SSC5D: variants seen among roughly 807,000 people sequenced by gnomAD.
SSC5D encodes the protein scavenger receptor cysteine rich family member with 5 domains, also known as soluble scavenger receptor cysteine-rich domain-containing protein SSC5D.
A neutral mutation model predicts 104.6 loss-of-function variants in SSC5D; 106 were observed. The ratio of observed to expected loss-of-function variants is 1.01; its 90% CI spans 0.87 to 1.19. The LOEUF is 1.19. SSC5D is among the 50% of genes most tolerant of loss of function. The pLI, the probability that SSC5D is intolerant of heterozygous loss-of-function variation, is 0.00. For synonymous variants in SSC5D, 860 were observed against 883.5 expected (o/e 0.97, Z 0.47); for missense variants, 1,993 against 2,153.8 (o/e 0.93, Z 1.48).
At position 55,518,347 on chromosome 19, in the gene SSC5D, A is replaced by G. The variant is rs777944908; in HGVS notation, c.4071A>G (p.Thr1357=). ...TELSSPTLAP[T]VKPSLHPQLT... The stretch of plus-strand genomic sequence containing the variant: ...TCTCCTCTCCCACTCTAGCACCAAC[A>G]GTCAAGCCCAGTCTGCACCCCCAGT... Residue 1357 remains threonine, a synonymous_variant, in exon 14 of 14, where the codon ACA becomes ACG. Coordinates refer to ENST00000389623, the MANE Select transcript of SSC5D (RefSeq NM_001144950.2). The G allele has an allele frequency of 1.3e-6, 2 of 1,549,132 alleles. No individual in the cohort carries two copies. The highest frequency in any genetic ancestry group is 2.5e-5 in the East Asian group (1 of 40,802).
At chr19:55,502,550 C>A (rs1038344029) in intron 12 of SSC5D, among the ~76,000 whole-genome samples, 2 of 151,974 alleles carry the variant, frequency 1.3e-5, no homozygotes, top group African/African-American at 4.8e-5. Context: ...TGTTTCTCAC[C>A]TAGTTTTTCC....
intron 6 of SSC5D, among the ~76,000 whole-genome samples, chr19:55,493,031 C>G (rs188424681): frequency 8.6e-5 from 13 of 151,866 alleles, no homozygotes; most frequent in African/African-American, 3.1e-4. Flanking sequence ...TCCCCTCCCC[C>G]CAAAAATAAA....
intron 12 of SSC5D, among the ~76,000 whole-genome samples, chr19:55,510,582 C>T (rs1046812514): frequency 2.7e-5 from 4 of 149,106 alleles, no homozygotes; most frequent in Admixed American, 6.7e-5. Context: ...CTCCTGACCT[C>T]GTGATCCGCC....
chr19:55,504,461 T>C, intron 12 of SSC5D: 1 of 517,792 alleles, frequency 1.9e-6, no homozygotes. Flanking sequence ...AAAAAGTGAC[T>C]TGGTCTCTTT....
intron 12 of SSC5D, among the ~76,000 whole-genome samples, chr19:55,507,597 C>T (rs1251260015): frequency 1.6e-5 from 2 of 124,554 alleles, no homozygotes; most frequent in African/African-American, 3.0e-5. Context: ...ACCCAGGAGG[C>T]GGAGGTTGCA....
rs756819981 is a variant in SSC5D at position 55,517,966 on chromosome 19, C to A, written c.3690C>A (p.Pro1230=). ...CTCAACCCTTCACCACCATGCAGCC[C>A]ACCACAACCCCTCACTCCACAACCC... The part of the protein sequence containing the change: ...TTPQPFTTMQ[P]TTTPHSTTPH... The change falls in exon 14 of 14, where the codon CCC becomes CCA. Residue 1230 remains proline (P), a synonymous_variant. Transcript: ENST00000389623. 3.3e-6 allele frequency: 5 copies of A among 1,525,930 alleles called. No homozygotes were observed. The highest frequency in any genetic ancestry group is 4.4e-6 in the Non-Finnish European group (5 of 1,139,626). 94.5% of individuals were successfully genotyped at this position (1,525,930 alleles called of 1,614,324 possible). A position where few individuals can be genotyped will look rare whatever the true frequency, so the allele number is the denominator to read the frequency against.
At position 55,490,334 on chromosome 19, in the gene SSC5D, GGAA is replaced by G. The variant is rs1987102594; in HGVS notation, c.518_520del (p.Lys173del). ...GCTGGGAACCCCCAGAACGCCTCCC[GGAA>G]GAAGAGCCCCCGGCCCAAGCAGGCC... On this transcript the variant is annotated inframe_deletion, in exon 5 of 14. Transcript: ENST00000389623. 2 of 1,496,868 alleles carry G rather than the reference GGAA, an allele frequency of 1.3e-6. No individual in the cohort carries two copies. Among genetic ancestry groups the G allele is most frequent in the Admixed American group, 2.0e-5 (1 of 49,186 alleles). 92.7% of individuals were successfully genotyped at this position (1,496,868 alleles called of 1,614,324 possible).
intron 6 of SSC5D, chr19:55,492,596 A>C (rs1045288639): frequency 1.3e-5 from 2 of 152,234 alleles, no homozygotes; most frequent in African/African-American, 4.8e-5. Flanking sequence ...AAAAGCAGAC[A>C]GGTGTGTTAG....
intron 8 of SSC5D, among the ~76,000 whole-genome samples, chr19:55,497,376 G>A (rs1372935880): frequency 6.6e-6 from 1 of 152,202 alleles, no homozygotes; most frequent in Non-Finnish European, 1.5e-5. Context: ...AATAATGAGA[G>A]AAAATTAAGG....
chr19:55,516,421 C>T (rs1220860765), intron 13 of SSC5D, among the ~76,000 whole-genome samples: 2 of 151,468 alleles, frequency 1.3e-5, no homozygotes, highest in Non-Finnish European at 2.9e-5. Flanking sequence ...GGTGTGAACC[C>T]GGGAGGCGGA....
chr19:55,490,690 GT>G (rs1488501651), intron 5 of SSC5D, 81 bp from the exon 6 acceptor site: 1 of 1,408,922 alleles, frequency 7.1e-7, no homozygotes, highest in East Asian at 2.5e-5. Flanking sequence ...CCTCAGGCCT[GT>G]TTCCCCAGGT....
intron 12 of SSC5D, among the ~76,000 whole-genome samples, chr19:55,507,549 C>G (rs568979272): frequency 2.1e-4 from 31 of 150,862 alleles, no homozygotes; most frequent in Middle Eastern, 3.4e-3. Context: ...GCCTATAATC[C>G]CAGCTACTCG....
chr19:55,507,665 CAAAAAAAAAAAAAAAA>C (rs61340967), intron 12 of SSC5D, among the ~76,000 whole-genome samples: 2 of 75,948 alleles, frequency 2.6e-5, no homozygotes, highest in Non-Finnish European at 4.5e-5. Context: ...GACTCCGTCT[CAAAAAAAAAAAAAAAA>C]AAAAAAAGAA....
Position 55,518,333 on chromosome 19 carries a change from A to T in SSC5D, c.4057A>T (p.Thr1353Ser). 3 of 1,532,170 alleles carry T rather than the reference A, an allele frequency of 2.0e-6. No individual in the cohort carries two copies. Among genetic ancestry groups the T allele is most frequent in the Non-Finnish European group, 2.6e-6 (3 of 1,141,958 alleles). The allele number at this position is 1,532,170 out of a possible 1,614,324, so 94.9% of individuals were successfully genotyped here. A position where few individuals can be genotyped will look rare whatever the true frequency, so the allele number is the denominator to read the frequency against. The change falls in exon 14 of 14, where the codon ACT becomes TCT. Residue 1353 changes from threonine (T) to serine (S), a missense_variant. Transcript: ENST00000389623. The stretch of plus-strand genomic sequence containing the variant: ...CTTGGGGACAGAACTCTCCTCTCCC[A>T]CTCTAGCACCAACAGTCAAGCCCAG... Reference protein sequence around the residue: ...TSLGTELSSPTLAPTVKPSLH... With the variant: ...TSLGTELSSPSLAPTVKPSLH...
rs1987549295 is a variant in SSC5D, at chr19:55,503,063, T to C, written c.2785+1862T>C. Among the ~76,000 whole-genome samples the C allele has an allele frequency of 6.6e-6, 1 of 152,114 alleles. No individual in the cohort carries two copies. The highest frequency in any genetic ancestry group is 2.4e-5 in the African/African-American group (1 of 41,436). On this transcript the variant is annotated intron_variant, in intron 12 of 13. Transcript: ENST00000389623. The surrounding 1 kb of genome is among the most constrained non-coding windows in gnomAD (Gnocchi z 4.0). ...TTCCTGACCTCGTGATCCGCCTGCC[T>C]CGGCCTCCCAAAGTGCTGGGATTAC...
At chr19:55,515,741 AAT>A (rs1314654930) in intron 13 of SSC5D, among the ~76,000 whole-genome samples, 14 of 149,794 alleles carry the variant, frequency 9.3e-5, no homozygotes, top group East Asian at 2.0e-4. Context: ...CAAAAAAAAA[AAT>A]AAAATAAAAT....
chr19:55,491,566 T>C (rs973669969), intron 6 of SSC5D: 2 of 160,328 alleles, frequency 1.2e-5, no homozygotes, highest in South Asian at 1.8e-4. Flanking sequence ...CTTGGGGGCA[T>C]GGAGGGAGAC....
At chr19:55,506,674 G>A (rs868659042) in intron 12 of SSC5D, among the ~76,000 whole-genome samples, 2 of 152,082 alleles carry the variant, frequency 1.3e-5, no homozygotes, top group South Asian at 2.1e-4. Flanking sequence ...GATTACAGGC[G>A]TGAGCCACCG....
In SSC5D at chr19:55,501,148, C is replaced by G. The variant is rs1568480276; in HGVS notation, c.2732C>G (p.Thr911Ser). The G allele has an allele frequency of 6.5e-7, 1 of 1,548,994 alleles. No homozygotes were observed. Among genetic ancestry groups the G allele is most frequent in the Non-Finnish European group, 8.7e-7 (1 of 1,145,900 alleles). ...GVPGHTLPWR[T>S]TRRPGSSSPA... ...CCTGGACACACTCTCCCCTGGAGGA[C>G]CACCCGGCGCCCGGGTAGCTCCTCC... The change falls in exon 12 of 14, where the codon ACC (threonine) becomes AGC (serine). Residue 911 changes from threonine (T) to serine (S), a missense_variant. Physicochemically the swap from Thr to Ser is moderately conservative, Grantham distance 58 (BLOSUM62 1). This residue lies in a region of SSC5D where 423 missense variants were observed against 409.2 expected (regional missense o/e 1.03). Transcript: ENST00000389623.
Sources: gnomAD v4.1 joint callset for allele counts (sites outside exome capture counted in the v4.1 genomes callset) on GRCh38, gnomAD v4.1.1 for gene constraint, gnomAD v4.1.1 regional missense constraint, Gnocchi (gnomAD v3.1) non-coding constraint, MANE v1.5 for transcripts, NCBI Gene and HGNC (gene_info 2026-07-23, HGNC 2026-07-21) for gene names.